The following CFAP61 variants were observed in gnomAD, a reference collection of about 807,000 sequenced individuals.
CFAP61 encodes the protein cilia and flagella associated protein 61, also known as cilia- and flagella-associated protein 61.
In CFAP61, 107 loss-of-function variants were observed where a neutral mutation model predicts 135.6. The ratio of observed to expected loss-of-function variants is 0.79; its 90% CI spans 0.67 to 0.93. CFAP61 has a LOEUF of 0.93. Ranked by LOEUF, CFAP61 falls within the 40% of genes least tolerant of loss-of-function variation. The pLI, the probability that CFAP61 is intolerant of heterozygous loss-of-function variation, is 0.00. For missense variants in CFAP61, 1,507 were observed against 1,556.2 expected (o/e 0.97, Z 0.53); for synonymous variants, 575 against 578.5 (o/e 0.99, Z 0.09).
intron 21 of CFAP61, among the ~76,000 whole-genome samples, chr20:20,269,146 TACACAC>T (rs1192884602): frequency 8.2e-5 from 7 of 85,616 alleles, no homozygotes; most frequent in African/African-American, 2.8e-4. Context: ...TATATATATA[TACACAC>T]ACACACACAC....
intron 15 of CFAP61, among the ~76,000 whole-genome samples, chr20:20,193,620 A>T: frequency 6.6e-6 from 1 of 151,894 alleles, no homozygotes; most frequent in Admixed American, 6.6e-5. Context: ...AATAATTATT[A>T]TTATTATTTT....
chr20:20,251,575 C>A lies in CFAP61; in HGVS notation c.2160-20C>A. On this transcript the variant is annotated intron_variant, in intron 19 of 26. Transcript: ENST00000245957. ...CTGTCAGCTGCTCAGATGTCACTTA[C>A]GGAGCTTCTCTCTTTGCAGCCACTG... 1.2e-6 allele frequency: 2 copies of A among 1,612,102 alleles called. No homozygotes were observed. Among genetic ancestry groups the A allele is most frequent in the Non-Finnish European group, 1.7e-6 (2 of 1,178,946 alleles).
At chr20:20,181,091 C>A (rs2055030420) in intron 13 of CFAP61, among the ~76,000 whole-genome samples, 1 of 151,604 alleles carries the variant, frequency 6.6e-6, no homozygotes, top group Non-Finnish European at 1.5e-5. Context: ...ATAATCTCTA[C>A]AACAAACCCC....
chr20:20,118,257 CTTTCTTTCTTTCTTT>C (rs1568941019), intron 8 of CFAP61, among the ~76,000 whole-genome samples: 2 of 46,058 alleles, frequency 4.3e-5, no homozygotes, highest in East Asian at 3.0e-4. Flanking sequence ...AGGTATGTTT[CTTTCTTTCTTTCTTT>C]CTTTCTTTCT....
rs892898453 is a variant in CFAP61 at position 20,308,845 on chromosome 20, T to C, written c.3422+10459T>C. Among the ~76,000 whole-genome samples the C allele has an allele frequency of 2.0e-5, 3 of 152,176 alleles. No individual in the cohort carries two copies. In the South Asian group the frequency reaches 6.2e-4, roughly 32 times the overall value. ...CTTCCTCCATTTCATTACATACCCA[T>C]CTGGCAGCATGTGGTTGAAGGTTAT... On this transcript the variant is annotated intron_variant, in intron 25 of 26. Transcript: ENST00000245957.
At chr20:20,323,859 C>T (rs888773474) in intron 25 of CFAP61, among the ~76,000 whole-genome samples, 2 of 152,088 alleles carry the variant, frequency 1.3e-5, no homozygotes, top group Non-Finnish European at 2.9e-5. Flanking sequence ...CAATATTTCA[C>T]GTGCTGATTT....
At chr20:20,288,242 G>C (rs527340247) in intron 22 of CFAP61, among the ~76,000 whole-genome samples, 3 of 152,320 alleles carry the variant, frequency 2.0e-5, no homozygotes, top group South Asian at 2.1e-4. Context: ...AAGGGGAAGA[G>C]GATGGAGGCT....
chr20:20,247,166 A>C (rs775853889), intron 19 of CFAP61, among the ~76,000 whole-genome samples: 4 of 152,204 alleles, frequency 2.6e-5, no homozygotes, highest in Non-Finnish European at 4.4e-5. Context: ...TTTTTTGTTA[A>C]AATTAACATA....
At chr20:20,323,930 A>G (rs1312335054) in intron 25 of CFAP61, among the ~76,000 whole-genome samples, 2 of 152,074 alleles carry the variant, frequency 1.3e-5, no homozygotes, top group Non-Finnish European at 2.9e-5. Context: ...TTGAGATTCT[A>G]TTTTAATGGC....
intron 25 of CFAP61, among the ~76,000 whole-genome samples, chr20:20,306,178 A>G (rs138506931): frequency 1.6e-4 from 24 of 152,340 alleles, no homozygotes; most frequent in African/African-American, 5.8e-4. Context: ...CTGAAATTAC[A>G]GCCAGCACAT....
Position 20,159,369 on chromosome 20 carries a change from G to A in CFAP61, c.952-1G>A. 1.2e-6 allele frequency: 2 copies of A among 1,613,664 alleles called. No homozygotes were observed. Among genetic ancestry groups the A allele is most frequent in the Non-Finnish European group, 1.7e-6 (2 of 1,179,598 alleles). On this transcript the variant is annotated splice_acceptor_variant, in intron 9 of 26. Transcript: ENST00000245957. LOFTEE classifies it high-confidence loss of function. ...TCATGTTTTGCTGTCATCATTTCCAGGGAAATATTGCCAGAGAAGCTGCAT... is the reference window on the plus strand; with the variant it reads ...TCATGTTTTGCTGTCATCATTTCCAAGGAAATATTGCCAGAGAAGCTGCAT...
At chr20:20,276,747 T>C (rs1478815587) in intron 21 of CFAP61, among the ~76,000 whole-genome samples, 1 of 152,254 alleles carries the variant, frequency 6.6e-6, no homozygotes, top group East Asian at 1.9e-4. Context: ...AATATTAAAA[T>C]ATCAGTAACA....
chr20:20,219,053 T>C (rs1465548843), intron 17 of CFAP61, among the ~76,000 whole-genome samples: 2 of 152,214 alleles, frequency 1.3e-5, no homozygotes, highest in African/African-American at 4.8e-5. Context: ...AGAGGTGATA[T>C]TCAAATCCCA....
intron 2 of CFAP61, chr20:20,069,631 G>A (rs577269117): frequency 1.7e-5 from 7 of 407,526 alleles, no homozygotes; most frequent in Non-Finnish European, 2.4e-5. Flanking sequence ...GTTACCTCAC[G>A]AAAAGATAAG....
At chr20:20,197,479 T>C (rs907462489) in intron 16 of CFAP61, among the ~76,000 whole-genome samples, 2 of 152,060 alleles carry the variant, frequency 1.3e-5, no homozygotes, top group African/African-American at 4.8e-5. Context: ...CAGCCATGCT[T>C]TTATCTGTCT....
At chr20:20,184,971 A>C (rs886070495) in intron 13 of CFAP61, among the ~76,000 whole-genome samples, 26 of 152,288 alleles carry the variant, frequency 1.7e-4, no homozygotes, top group African/African-American at 6.3e-4. Flanking sequence ...CAGAGCAAGC[A>C]GCAATCCCAG....
intron 25 of CFAP61, among the ~76,000 whole-genome samples, chr20:20,315,508 G>C (rs1404548224): frequency 6.6e-6 from 1 of 152,132 alleles, no homozygotes; most frequent in Non-Finnish European, 1.5e-5. Flanking sequence ...TCTGATGGTA[G>C]TTTCTTTTGC....
At chr20:20,342,906 G>C (rs754779335) in intron 26 of CFAP61, among the ~76,000 whole-genome samples, 5 of 151,884 alleles carry the variant, frequency 3.3e-5, no homozygotes, top group African/African-American at 4.8e-5. Context: ...TGTTGTGCAG[G>C]CTGGAGTGCA....
At chr20:20,269,136 T>TACACACACACACACACACACACAC (rs1329227544) in intron 21 of CFAP61, among the ~76,000 whole-genome samples, 1 of 81,236 alleles carries the variant, frequency 1.2e-5, no homozygotes, top group African/African-American at 4.3e-5. Context: ...TATATATATA[T>TACACACACACACACACACACACAC]ATATATATAT....
Sources: gnomAD v4.1 joint callset for allele counts (sites outside exome capture counted in the v4.1 genomes callset) on GRCh38, gnomAD v4.1.1 for gene constraint, MANE v1.5 for transcripts, NCBI Gene and HGNC (gene_info 2026-07-23, HGNC 2026-07-21) for gene names.